CUX2: variants seen among roughly 807,000 people sequenced by gnomAD.
The protein encoded by CUX2 is homeobox protein cut-like 2.
CUX2 carries 40 observed loss-of-function variants against 144.8 expected under a neutral mutation model. That is an observed-to-expected ratio of 0.28 (90% CI 0.21 to 0.36). The LOEUF is 0.36. CUX2 is among the 10% of genes least tolerant of loss of function. The probability of loss-of-function intolerance (pLI) is 1.00; values close to 1 mark genes in which losing one functional copy is unlikely to be tolerated. For synonymous variants in CUX2, 827 were observed against 875.6 expected (o/e 0.94, Z 0.98); for missense variants, 1,615 against 1,994.0 (o/e 0.81, Z 3.62).
intron 1 of CUX2, among the ~76,000 whole-genome samples, chr12:111,120,692 A>G (rs897961210): frequency 2.0e-5 from 3 of 151,994 alleles, no homozygotes; most frequent in African/African-American, 7.2e-5. Flanking sequence ...AAAAGGCAAC[A>G]AAAACCAACT....
At chr12:111,153,423 C>A (rs73413601) in intron 1 of CUX2, among the ~76,000 whole-genome samples, 3,597 of 152,214 alleles carry the variant, frequency 0.024, 143 homozygotes, top group African/African-American at 0.081. Flanking sequence ...TTACACAAAC[C>A]TAGACAGTAG....
intron 4 of CUX2, among the ~76,000 whole-genome samples, chr12:111,285,171 A>C (rs1051687163): frequency 9.2e-5 from 14 of 152,262 alleles, no homozygotes; most frequent in African/African-American, 3.4e-4. Flanking sequence ...ATCACTCATC[A>C]CATGTATCCA....
chr12:111,266,764 A>G (rs572826327), intron 4 of CUX2, among the ~76,000 whole-genome samples: 2 of 152,340 alleles, frequency 1.3e-5, no homozygotes, highest in Admixed American at 6.5e-5. Flanking sequence ...GCGCTGGGAC[A>G]CTAATCCAGC....
intron 18 of CUX2, among the ~76,000 whole-genome samples, chr12:111,328,501 G>C (rs1030403562): frequency 1.1e-4 from 16 of 152,032 alleles, no homozygotes; most frequent in African/African-American, 3.9e-4. Context: ...AGTCAAGGAA[G>C]CCCTGTCCTG....
intron 1 of CUX2, among the ~76,000 whole-genome samples, chr12:111,157,701 C>T (rs1302992862): frequency 3.9e-5 from 6 of 152,166 alleles, no homozygotes; most frequent in African/African-American, 9.7e-5. Flanking sequence ...ACCATGGACA[C>T]GGGAGGTGGC....
At chr12:111,298,788 G>T (rs1380956432) in intron 9 of CUX2, among the ~76,000 whole-genome samples, 199 bp downstream of exon 9, 2 of 152,170 alleles carry the variant, frequency 1.3e-5, no homozygotes, top group African/African-American at 4.8e-5. Context: ...GTGGGCCCAG[G>T]GTAGGGGGTT....
chr12:111,120,246 C>T (rs775924229), intron 1 of CUX2, among the ~76,000 whole-genome samples: 2 of 151,762 alleles, frequency 1.3e-5, no homozygotes, highest in Non-Finnish European at 2.9e-5. Context: ...GTGTTGTGCC[C>T]GGGGTACAAC....
At chr12:111,327,241 T>C (rs778684803) in intron 18 of CUX2, among the ~76,000 whole-genome samples, 1 of 152,248 alleles carries the variant, frequency 6.6e-6, no homozygotes, top group Non-Finnish European at 1.5e-5. Context: ...GGCTGTAGTA[T>C]GCATCAGAAT....
Position 111,341,764 on chromosome 12 carries a change from C to G in CUX2, c.3386-16C>G, listed in dbSNP as rs1888587901. 1 of 1,565,186 alleles carries G rather than the reference C, an allele frequency of 6.4e-7. No individual in the cohort carries two copies. Among genetic ancestry groups the G allele is most frequent in the Non-Finnish European group, 8.6e-7 (1 of 1,159,190 alleles). On this transcript the variant is annotated splice_polypyrimidine_tract_variant and intron_variant, in intron 20 of 21. Coordinates refer to ENST00000261726, the MANE Select transcript of CUX2 (RefSeq NM_015267.4). ...GGGACACCACCTCTCAGCCCTCCCT[C>G]TCTTCCTGGCCCCAGCCTACCTGAA...
chr12:111,111,321 G>A (rs1233692978), intron 1 of CUX2, among the ~76,000 whole-genome samples: 2 of 151,854 alleles, frequency 1.3e-5, no homozygotes, highest in Non-Finnish European at 2.9e-5. Flanking sequence ...AAAAAAGAGA[G>A]ACAATGGCTT....
chr12:111,335,370 G>A (rs932951526), intron 19 of CUX2, among the ~76,000 whole-genome samples: 2 of 151,876 alleles, frequency 1.3e-5, no homozygotes, highest in Non-Finnish European at 2.9e-5. Flanking sequence ...TCTAGCCAAG[G>A]CGACAGAGCG....
intron 2 of CUX2, among the ~76,000 whole-genome samples, chr12:111,214,774 C>T (rs185448050): frequency 3.3e-5 from 5 of 152,222 alleles, no homozygotes; most frequent in East Asian, 1.9e-4. Flanking sequence ...TCCCCTTCAC[C>T]GCCTCCCTTG....
At chr12:111,173,911 A>T (rs1262645625) in intron 1 of CUX2, among the ~76,000 whole-genome samples, 1 of 152,186 alleles carries the variant, frequency 6.6e-6, no homozygotes, top group Non-Finnish European at 1.5e-5. Flanking sequence ...TGGGCAAAGA[A>T]TTGGGAGGAG....
intron 1 of CUX2, among the ~76,000 whole-genome samples, chr12:111,091,914 G>A (rs531700072): frequency 6.6e-6 from 1 of 152,250 alleles, no homozygotes; most frequent in South Asian, 2.1e-4. Context: ...TAGATTTAGG[G>A]CCCACCCTAA....
intron 1 of CUX2, among the ~76,000 whole-genome samples, chr12:111,086,310 A>G (rs914888410): frequency 6.6e-6 from 1 of 152,250 alleles, no homozygotes; most frequent in African/African-American, 2.4e-5. Context: ...CTTAGTTCAC[A>G]GGCAACTGGA....
At chr12:111,067,307 A>G (rs1871060270) in intron 1 of CUX2, among the ~76,000 whole-genome samples, 1 of 152,226 alleles carries the variant, frequency 6.6e-6, no homozygotes, top group South Asian at 2.1e-4. Context: ...CAGCTGGAGC[A>G]GGTCTCTGTT....
rs750555630 is a variant in CUX2, at chr12:111,320,509, C to G, written c.2500C>G (p.Pro834Ala). ...WPRGDEAPVP[P>A]EDEAAAGAED... ...CCGCGGGGACGAGGCCCCTGTGCCC[C>G]CCGAGGACGAGGCGGCGGCAGGGGC... Residue 834 changes from proline to alanine, a missense_variant, in exon 17 of 22, where the codon CCC becomes GCC. Pro to Ala is a conservative substitution (Grantham distance 27). This residue lies in a region of CUX2 where 390 missense variants were observed against 387.1 expected (regional missense o/e 1.01). Transcript: ENST00000261726. The surrounding 1 kb of genome is among the most constrained non-coding windows in gnomAD (Gnocchi z 8.1). 1.3e-3 allele frequency: 2,026 copies of G among 1,578,528 alleles called. 7 individuals carry two copies. The highest frequency in any genetic ancestry group is 1.5e-3 in the Non-Finnish European group (1,782 of 1,168,370).
chr12:111,144,161 C>A (rs1876513964), intron 1 of CUX2, among the ~76,000 whole-genome samples: 1 of 152,182 alleles, frequency 6.6e-6, no homozygotes. Flanking sequence ...TTTAATATCT[C>A]CATCTCCTCC....
In CUX2 at chr12:111,057,559, G is replaced by A. The variant is rs1312602432; in HGVS notation, c.63+23319G>A. ...CGTGGGGACCCAGACCTCCTTACAC[G>A]GGCCCCATCTTTCTCCCTGCCCTAG... On this transcript the variant is annotated intron_variant, in intron 1 of 21. Coordinates refer to ENST00000261726, the MANE Select transcript of CUX2 (RefSeq NM_015267.4). The surrounding 1 kb of genome is among the most constrained non-coding windows in gnomAD (Gnocchi z 5.1). 6.6e-6 allele frequency among the ~76,000 whole-genome samples: 1 copy of A among 152,118 alleles called. No homozygotes were observed. The highest frequency in any genetic ancestry group is 3.4e-3 in the Middle Eastern group (1 of 294).
Sources: gnomAD v4.1 joint callset for allele counts (sites outside exome capture counted in the v4.1 genomes callset) on GRCh38, gnomAD v4.1.1 for gene constraint, gnomAD v4.1.1 regional missense constraint, Gnocchi (gnomAD v3.1) non-coding constraint, MANE v1.5 for transcripts, NCBI Gene and HGNC (gene_info 2026-07-23, HGNC 2026-07-21) for gene names.